Variants in SAMD14 observed in about 807,000 individuals in gnomAD.
SAMD14 encodes sterile alpha motif domain containing 14.
A neutral mutation model predicts 46.2 loss-of-function variants in SAMD14; 27 were observed. The ratio of observed to expected loss-of-function variants is 0.58; its 90% CI spans 0.43 to 0.81. The LOEUF (loss-of-function observed/expected upper bound fraction) is 0.81. Ranked by LOEUF, SAMD14 falls within the 30% of genes least tolerant of loss-of-function variation. The pLI, the probability that SAMD14 is intolerant of heterozygous loss-of-function variation, is 0.00. For synonymous variants in SAMD14, 241 were observed against 254.3 expected (o/e 0.95, Z 0.50); for missense variants, 559 against 582.2 (o/e 0.96, Z 0.41).
chr17:50,113,149 C>T (rs1910958751), intron 9 of SAMD14, 101 bp from the exon 10 acceptor site: 5 of 1,383,004 alleles, frequency 3.6e-6, no homozygotes, highest in Non-Finnish European at 4.9e-6. Context: ...CTGTGGAGCT[C>T]CAAATCCTCC....
chr17:50,115,487 C>T lies in SAMD14; in HGVS notation c.822+77G>A, dbSNP rs371721831. 410 of 1,458,752 alleles carry T rather than the reference C, an allele frequency of 2.8e-4. 2 individuals are homozygous for T. The African/African-American group carries it at 5.3e-3, about 19-fold the overall frequency. The allele number at this position is 1,458,752 out of a possible 1,614,324, so 90.4% of individuals were successfully genotyped here. On this transcript the variant is annotated intron_variant, in intron 7 of 9. Transcript: ENST00000330175. The surrounding 1 kb of genome is among the most constrained non-coding windows in gnomAD (Gnocchi z 5.3). ...ATTCCAGGAATGTCTGAATCCCAGC[C>T]TGAGCCAAGGTGAAGTACGCCCTCA...
chr17:50,119,527 T>C (rs1911401345), intron 2 of SAMD14, among the ~76,000 whole-genome samples: 1 of 152,060 alleles, frequency 6.6e-6, no homozygotes, highest in South Asian at 2.1e-4. Context: ...CCTATTTCTA[T>C]TTCCAGCCTT....
At chr17:50,124,850 G>A (rs1185846853) in intron 2 of SAMD14, 67 bp downstream of exon 2, 1 of 1,515,900 alleles carries the variant, frequency 6.6e-7, no homozygotes, top group Non-Finnish European at 9.2e-7. Flanking sequence ...TCAATGCCTG[G>A]TGGCCCAGGA....
intron 2 of SAMD14, among the ~76,000 whole-genome samples, chr17:50,119,973 C>T (rs923113882): frequency 1.3e-5 from 2 of 152,186 alleles, no homozygotes; most frequent in East Asian, 1.9e-4. Context: ...ATCCTACAAA[C>T]GGATTCATCC....
chr17:50,117,620 C>A lies in SAMD14; in HGVS notation c.286G>T (p.Gly96Cys). 5 of 1,558,084 alleles carry A rather than the reference C, an allele frequency of 3.2e-6. No individual in the cohort carries two copies. The highest frequency in any genetic ancestry group is 1.9e-4 in the Middle Eastern group (1 of 5,242). Residue 96 changes from glycine to cysteine, a missense_variant, in exon 4 of 10, where the codon GGC (glycine) becomes TGC (cysteine). Gly to Cys is a radical substitution (Grantham distance 159). Transcript: ENST00000330175. ...LHSGPGSPAGGSFCLDPPGLR... is the reference protein window; with the variant it reads ...LHSGPGSPAGCSFCLDPPGLR... ...CCCGGAGGATCCAGGCAGAAAGAGC[C>A]CCCGGCCGGGGACCCCGGGCCTGAG...
chr17:50,114,664 A>G, intron 7 of SAMD14: 1 of 508,886 alleles, frequency 2.0e-6, no homozygotes, highest in South Asian at 3.0e-5. Flanking sequence ...TACCCCAGCT[A>G]ATAAGTGCCT....
chr17:50,128,378 C>T (rs1385273078), intron 1 of SAMD14, among the ~76,000 whole-genome samples: 1 of 151,862 alleles, frequency 6.6e-6, no homozygotes, highest in African/African-American at 2.4e-5. Context: ...CAGGGGGTCA[C>T]CAGACCCCTC....
At position 50,110,317 on chromosome 17, in the gene SAMD14, G is replaced by A. The variant is rs1910765228; in HGVS notation, c.*2576C>T. ...CGGTGGCCTCCCTATCTCTGTGGGC[G>A]ATGCCTGAGGGTTAGGGATGTCTCC... On this transcript the variant is annotated 3_prime_UTR_variant, in exon 10 of 10. Coordinates refer to ENST00000330175, the MANE Select transcript of SAMD14 (RefSeq NM_001257359.2). 3 of 443,716 alleles carry A rather than the reference G, an allele frequency of 6.8e-6. No homozygotes were observed. Among genetic ancestry groups the A allele is most frequent in the Non-Finnish European group, 8.0e-6 (2 of 249,730 alleles). The allele number at this position is 443,716 out of a possible 1,614,324, so 27.5% of individuals were successfully genotyped here.
intron 2 of SAMD14, among the ~76,000 whole-genome samples, chr17:50,121,112 C>T (rs1911480051): frequency 6.6e-6 from 1 of 152,168 alleles, no homozygotes; most frequent in Admixed American, 6.5e-5. Flanking sequence ...GATTGGCCTC[C>T]TCACACCCAT....
chr17:50,110,320 G>T lies in SAMD14; in HGVS notation c.*2573C>A. On this transcript the variant is annotated 3_prime_UTR_variant, in exon 10 of 10. Coordinates refer to ENST00000330175, the MANE Select transcript of SAMD14 (RefSeq NM_001257359.2). ...TGGCCTCCCTATCTCTGTGGGCGAT[G>T]CCTGAGGGTTAGGGATGTCTCCACC... The T allele has an allele frequency of 2.3e-6, 1 of 441,496 alleles. No homozygotes were observed. Among genetic ancestry groups the T allele is most frequent in the South Asian group, 5.0e-5 (1 of 20,136 alleles). 27.3% of individuals were successfully genotyped at this position (441,496 alleles called of 1,614,324 possible). A position where few individuals can be genotyped will look rare whatever the true frequency, so the allele number is the denominator to read the frequency against.
Position 50,113,992 on chromosome 17 carries a change from C to CG in SAMD14, c.1029_1030insC (p.Ala344ArgfsTer3). 1 of 1,613,760 alleles carries CG rather than the reference C, an allele frequency of 6.2e-7. No homozygotes were observed. The highest frequency in any genetic ancestry group is 8.5e-7 in the Non-Finnish European group (1 of 1,180,050). On this transcript the variant is annotated frameshift_variant, in exon 9 of 10. Coordinates refer to ENST00000330175, the MANE Select transcript of SAMD14 (RefSeq NM_001257359.2). LOFTEE classifies it high-confidence loss of function. ...ACCTGCCGTGCAGCAAACTCAGCAGCATACTGTTCCAGGTTGAGGCTCTGC... is the reference window on the plus strand; with the variant it reads ...ACCTGCCGTGCAGCAAACTCAGCAGCGATACTGTTCCAGGTTGAGGCTCTGC...
intron 2 of SAMD14, chr17:50,124,294 C>T (rs1226949134): frequency 3.7e-5 from 15 of 401,240 alleles, no homozygotes; most frequent in Non-Finnish European, 5.2e-5. Context: ...GTACTGAGGA[C>T]GTGGGCGTGC....
intron 2 of SAMD14, among the ~76,000 whole-genome samples, 195 bp from the exon 3 acceptor site, chr17:50,118,522 G>C (rs1343314781): frequency 1.3e-5 from 2 of 152,238 alleles, no homozygotes; most frequent in Non-Finnish European, 2.9e-5. Context: ...AGGGGAAGCA[G>C]AAATGCCGGC....
At position 50,114,326 on chromosome 17, in the gene SAMD14, T is replaced by A. The variant is rs767129575; in HGVS notation, c.823-20A>T. 6.2e-7 allele frequency: 1 copy of A among 1,613,884 alleles called. No individual in the cohort carries two copies. Among genetic ancestry groups the A allele is most frequent in the South Asian group, 1.1e-5 (1 of 91,066 alleles). ...GGATTCCTAGACAGAAAAAGGTGCA[T>A]GCCACTGAGGAGAGTTCACCCCCAA... On this transcript the variant is annotated intron_variant, in intron 7 of 9. Coordinates refer to ENST00000330175, the MANE Select transcript of SAMD14 (RefSeq NM_001257359.2).
At chr17:50,121,272 C>G (rs769836346) in intron 2 of SAMD14, among the ~76,000 whole-genome samples, 10 of 151,580 alleles carry the variant, frequency 6.6e-5, no homozygotes, top group Non-Finnish European at 1.2e-4. Context: ...CTGGCTCCTC[C>G]TCGTACCTTC....
At chr17:50,123,765 C>T (rs535934778) in intron 2 of SAMD14, among the ~76,000 whole-genome samples, 5 of 152,190 alleles carry the variant, frequency 3.3e-5, no homozygotes, top group Admixed American at 6.5e-5. Context: ...GCAGTGAGGA[C>T]GCAGCTACCT....
At chr17:50,125,187 C>T (rs1413984346) in intron 1 of SAMD14, 3 of 540,370 alleles carry the variant, frequency 5.6e-6, no homozygotes, top group Admixed American at 6.3e-5. Context: ...AGGGTGGGGG[C>T]AGACGCAAAA....
chr17:50,124,028 G>A (rs1911626745), intron 2 of SAMD14: 2 of 453,536 alleles, frequency 4.4e-6, no homozygotes, highest in East Asian at 7.0e-5. Flanking sequence ...GGAGAGATGA[G>A]GAGAAGCTGG....
chr17:50,128,551 A>G (rs898006544), intron 1 of SAMD14, among the ~76,000 whole-genome samples: 3 of 151,818 alleles, frequency 2.0e-5, no homozygotes, highest in African/African-American at 7.3e-5. Context: ...GGTGGGATTG[A>G]ACCGGTTCCT....
Sources: allele counts gnomAD v4.1 joint callset (sites outside exome capture counted in the v4.1 genomes callset), GRCh38; gene constraint gnomAD v4.1.1; non-coding constraint Gnocchi (gnomAD v3.1); transcripts MANE v1.5; gene names NCBI Gene and HGNC (gene_info 2026-07-23, HGNC 2026-07-21).